Variants in CR1L observed in about 807,000 individuals in gnomAD.
The protein encoded by CR1L is complement component receptor 1-like protein.
CR1L carries 59 observed loss-of-function variants against 62.3 expected under a neutral mutation model. The observed-to-expected ratio is 0.95, with a 90% CI of 0.77 to 1.18. CR1L has a LOEUF of 1.18. Among genes scored for constraint, CR1L ranks in the 50% most tolerant of loss-of-function variants. The pLI, the probability that CR1L is intolerant of heterozygous loss-of-function variation, is 0.00. For synonymous variants in CR1L, 279 were observed against 248.7 expected (o/e 1.12, Z -1.15); for missense variants, 700 against 702.8 (o/e 1.00, Z 0.04).
chr1:207,648,575 A>G (rs1431336042), intron 1 of CR1L, among the ~76,000 whole-genome samples: 1 of 120,844 alleles, frequency 8.3e-6, no homozygotes, highest in Non-Finnish European at 1.8e-5. Flanking sequence ...GGTTCCAGAT[A>G]GCAGAAGGAA....
Position 207,709,123 on chromosome 1 carries a change from G to A in CR1L, c.1414+860G>A, listed in dbSNP as rs1358597171. The A allele has an allele frequency of 1.1e-4, 23 of 217,022 alleles. No homozygotes were observed. In the East Asian group the frequency reaches 2.8e-3, roughly 26 times the overall value. The allele number at this position is 217,022 out of a possible 1,614,324, so 13.4% of individuals were successfully genotyped here. On this transcript the variant is annotated intron_variant, in intron 10 of 11. Transcript: ENST00000508064. ...TTATTTAATAAAGATGTTATACTGG[G>A]CCAGGTGTGGTGGCTCACACCTGTA...
At chr1:207,646,448 C>T (rs1271132194) in intron 1 of CR1L, among the ~76,000 whole-genome samples, 1 of 152,122 alleles carries the variant, frequency 6.6e-6, no homozygotes, top group Non-Finnish European at 1.5e-5. Flanking sequence ...CAGTTGCTCA[C>T]ACCTGTGATC....
chr1:207,646,669 C>T (rs1357073166), intron 1 of CR1L, among the ~76,000 whole-genome samples: 27 of 134,020 alleles, frequency 2.0e-4, no homozygotes, highest in African/African-American at 6.6e-4. Flanking sequence ...TGTGATCATG[C>T]CACTGCACTC....
intron 1 of CR1L, among the ~76,000 whole-genome samples, chr1:207,645,821 A>G (rs1188712362): frequency 6.6e-6 from 1 of 151,994 alleles, no homozygotes; most frequent in African/African-American, 2.4e-5. Context: ...GCTGTGCCCC[A>G]TGGGCTGGGC....
chr1:207,674,384 A>G (rs1025509155), intron 1 of CR1L, among the ~76,000 whole-genome samples: 11 of 152,194 alleles, frequency 7.2e-5, no homozygotes, highest in African/African-American at 2.7e-4. Context: ...TTTTAAACTT[A>G]TGGTAGGTCT....
chr1:207,716,692 C>CT (rs1390616974), intron 10 of CR1L, among the ~76,000 whole-genome samples: 1 of 152,062 alleles, frequency 6.6e-6, no homozygotes, highest in Non-Finnish European at 1.5e-5. Context: ...TATAAATAAA[C>CT]TTAGGAAAAA....
At position 207,645,250 on chromosome 1, in the gene CR1L, G is replaced by T. The variant is rs1334388392; in HGVS notation, c.17G>T (p.Arg6Leu). 3 of 1,613,262 alleles carry T rather than the reference G, an allele frequency of 1.9e-6. No individual in the cohort carries two copies. The highest frequency in any genetic ancestry group is 1.7e-5 in the Admixed American group (1 of 60,018). The stretch of plus-strand genomic sequence containing the variant: ...GCGCCGCTCATGGCGCCTCCCGTCC[G>T]TCTCGAGCGTCCCTTTCCTTCCCGG... The part of the protein sequence containing the change: MAPPV[R>L]LERPFPSRRF... The change falls in exon 1 of 12, where the codon CGT (arginine) becomes CTT (leucine). Residue 6 changes from arginine (R) to leucine (L), a missense_variant. Transcript: ENST00000508064.
intron 11 of CR1L, among the ~76,000 whole-genome samples, chr1:207,720,607 C>T (rs1169113603): frequency 6.6e-6 from 1 of 152,146 alleles, no homozygotes; most frequent in Non-Finnish European, 1.5e-5. Flanking sequence ...AGGCCTGATT[C>T]ATTTCAAAAC....
chr1:207,695,131 T>C (rs1225168828), intron 5 of CR1L, among the ~76,000 whole-genome samples: 1 of 152,090 alleles, frequency 6.6e-6, no homozygotes, highest in Non-Finnish European at 1.5e-5. Flanking sequence ...GGTTTGTCTG[T>C]TTTGTTTTGC....
At chr1:207,691,021 G>T (rs1663987933) in intron 4 of CR1L, among the ~76,000 whole-genome samples, 1 of 152,136 alleles carries the variant, frequency 6.6e-6, no homozygotes, top group Non-Finnish European at 1.5e-5. Context: ...ATTAGGTTAG[G>T]ACACAGATAT....
chr1:207,722,511 G>A (rs998819030), intron 11 of CR1L, among the ~76,000 whole-genome samples: 8 of 149,518 alleles, frequency 5.4e-5, no homozygotes, highest in African/African-American at 1.5e-4. Context: ...GTAGATATGC[G>A]GCGTTATTTC....
intron 4 of CR1L, among the ~76,000 whole-genome samples, chr1:207,692,184 T>C (rs889948230): frequency 1.3e-5 from 2 of 152,260 alleles, no homozygotes; most frequent in African/African-American, 2.4e-5. Context: ...GCTTAAACTA[T>C]GTAAGGCTTT....
At chr1:207,717,740 G>A (rs1355661387) in intron 11 of CR1L, 49 bp downstream of exon 11, 1 of 1,588,826 alleles carries the variant, frequency 6.3e-7, no homozygotes, top group East Asian at 2.2e-5. Context: ...ATATGTAGGT[G>A]AGAACCTTCA....
intron 7 of CR1L, among the ~76,000 whole-genome samples, chr1:207,698,866 A>G (rs192236633): frequency 6.6e-6 from 1 of 152,324 alleles, no homozygotes; most frequent in East Asian, 1.9e-4. Context: ...GCATTGCATT[A>G]GAAGACTGGG....
rs988603884 is a variant in CR1L, at chr1:207,710,660, T to C, written c.1414+2397T>C. ...ATTGGTGTCTGACAACAGAAGCTTA[T>C]TTTCCTTAAATGAAGTTGTGGAGTT... On this transcript the variant is annotated intron_variant, in intron 10 of 11. Coordinates refer to ENST00000508064, the MANE Select transcript of CR1L (RefSeq NM_175710.2). The C allele has an allele frequency of 3.1e-6, 5 of 1,609,938 alleles. No individual in the cohort carries two copies. In the African/African-American group the frequency reaches 6.7e-5, roughly 22 times the overall value.
At position 207,677,488 on chromosome 1, in the gene CR1L, G is replaced by A. The variant is rs192078528; in HGVS notation, c.197G>A (p.Arg66His). 5.9e-5 allele frequency: 96 copies of A among 1,613,762 alleles called. No homozygotes were observed. The highest frequency in any genetic ancestry group is 3.3e-4 in the Middle Eastern group (2 of 6,060). ...PIGTYLNYEC[R>H]PGYSGRPFSI... The stretch of plus-strand genomic sequence containing the variant: ...GGGACATATCTGAACTATGAATGCC[G>A]CCCTGGTTATTCCGGAAGACCGTTT... The change falls in exon 2 of 12, where the codon CGC (arginine) becomes CAC (histidine). Residue 66 changes from arginine to histidine, a missense_variant. By Grantham distance (29) the Arg-to-His change is conservative (BLOSUM62 0). Coordinates refer to ENST00000508064, the MANE Select transcript of CR1L (RefSeq NM_175710.2).
chr1:207,699,162 G>A (rs41313728), intron 7 of CR1L, 27 bp from the exon 8 acceptor site: 204,153 of 1,612,714 alleles, frequency 0.13, 15,835 homozygotes, highest in East Asian at 0.37. Flanking sequence ...GAAACAGCTC[G>A]CTATTCACTC....
Position 207,645,378 on chromosome 1 carries a change from T to C in CR1L, c.97+48T>C, listed in dbSNP as rs200602584. The C allele has an allele frequency of 6.9e-6, 11 of 1,594,600 alleles. No individual in the cohort carries two copies. In the Admixed American group the frequency reaches 1.3e-4, roughly 19 times the overall value. ...CGCGTCCGCGGCGAGGCTAGAGCTC[T>C]GCTCAGTCAGTCGGGCAGGAGGCGC... On this transcript the variant is annotated intron_variant, in intron 1 of 11. Coordinates refer to ENST00000508064, the MANE Select transcript of CR1L (RefSeq NM_175710.2).
rs530995927 is a variant in CR1L at position 207,686,302 on chromosome 1, A to T, written c.463+2345A>T. ...AGATGTCATCCTTGTCTTGTTCCAC[A>T]TCTCAAAGGGAAGGATTAAAACATT... is the stretch of plus-strand genomic sequence containing the variant. On this transcript the variant is annotated intron_variant, in intron 4 of 11. Coordinates refer to ENST00000508064, the MANE Select transcript of CR1L (RefSeq NM_175710.2). Among the ~76,000 whole-genome samples, 33 of 151,330 alleles carry T rather than the reference A, an allele frequency of 2.2e-4. 1 individual carries two copies. The East Asian group carries it at 5.5e-3, about 25-fold the overall frequency.
Sources: allele counts gnomAD v4.1 joint callset (sites outside exome capture counted in the v4.1 genomes callset), GRCh38; gene constraint gnomAD v4.1.1; transcripts MANE v1.5; gene names NCBI Gene and HGNC (gene_info 2026-07-23, HGNC 2026-07-21).